SMAD2: variants seen among roughly 807,000 people sequenced by gnomAD.
The protein encoded by SMAD2 is MAD homolog 2.
Under a neutral mutation model 64.4 loss-of-function variants are expected in SMAD2, and 8 were observed. That is an observed-to-expected ratio of 0.12 (90% CI 0.07 to 0.22). The LOEUF is 0.22. SMAD2 is among the 10% of genes least tolerant of loss of function. The pLI is 1.00. For synonymous variants in SMAD2, 203 were observed against 195.8 expected, an observed-to-expected ratio of 1.04 and a Z score of -0.31; for missense variants, 289 against 561.2, an observed-to-expected ratio of 0.51 and a Z score of 4.90.
At position 47,845,807 on chromosome 18, in the gene SMAD2, C is replaced by G. The variant is rs1914437427; in HGVS notation, c.998-7G>C. On this transcript the variant is annotated splice_region_variant and splice_polypyrimidine_tract_variant and intron_variant, in intron 8 of 10. Transcript: ENST00000262160. Reference sequence around the variant, plus strand: ...TATAAGCGCACTCCTCTTCCTGAAACAAAATACAAATGAGATTAGTTTTGT... The same window carrying G: ...TATAAGCGCACTCCTCTTCCTGAAAGAAAATACAAATGAGATTAGTTTTGT... 6.2e-7 allele frequency: 1 copy of G among 1,612,796 alleles called. No individual in the cohort carries two copies. Among genetic ancestry groups the G allele is most frequent in the Non-Finnish European group, 8.5e-7 (1 of 1,178,984 alleles).
chr18:47,841,263 A>G lies in SMAD2; in HGVS notation c.*564T>C, dbSNP rs985308452. ...TCCACTTTTCTTCCCCCAAGAGTTT[A>G]TTTTTGGTAAAAGGCAGAAAAATTA... On this transcript the variant is annotated 3_prime_UTR_variant, in exon 11 of 11. Coordinates refer to ENST00000262160, the MANE Select transcript of SMAD2 (RefSeq NM_005901.6). 2 of 233,484 alleles carry G rather than the reference A, an allele frequency of 8.6e-6. No homozygotes were observed. Among genetic ancestry groups the G allele is most frequent in the Non-Finnish European group, 1.7e-5 (2 of 118,382 alleles). The allele number at this position is 233,484 out of a possible 1,614,324, so 14.5% of individuals were successfully genotyped here. A position where few individuals can be genotyped will look rare whatever the true frequency, so the allele number is the denominator to read the frequency against.
intron 1 of SMAD2, among the ~76,000 whole-genome samples, chr18:47,921,197 C>A (rs942271635): frequency 6.6e-6 from 1 of 152,116 alleles, no homozygotes; most frequent in Non-Finnish European, 1.5e-5. Flanking sequence ...GAATATTATA[C>A]AACCCACTAC....
chr18:47,907,388 T>C (rs922087480), intron 1 of SMAD2, among the ~76,000 whole-genome samples: 2 of 152,152 alleles, frequency 1.3e-5, no homozygotes, highest in African/African-American at 4.8e-5. Context: ...CTCAAAAACA[T>C]GCTGGGCAAA....
At chr18:47,875,386 G>T (rs2032206901) in intron 2 of SMAD2, among the ~76,000 whole-genome samples, 1 of 152,022 alleles carries the variant, frequency 6.6e-6, no homozygotes, top group Non-Finnish European at 1.5e-5. Context: ...GACCCAACTG[G>T]TATTTTCATA....
chr18:47,818,999 A>G lies in SMAD2; in HGVS notation c.*22828T>C, dbSNP rs953159912. The G allele has an allele frequency of 3.9e-5, 6 of 152,260 alleles. No homozygotes were observed. Among genetic ancestry groups the G allele is most frequent in the Non-Finnish European group, 8.8e-5 (6 of 68,044 alleles). The allele number at this position is 152,260 out of a possible 1,614,324, so 9.4% of individuals were successfully genotyped here. On this transcript the variant is annotated 3_prime_UTR_variant, in exon 11 of 11. Transcript: ENST00000262160. ...TGTGTATGTTTAGGTGTGTTTACAC[A>G]TATGTATATATATGTTGTATGTTGT...
At position 47,817,670 on chromosome 18, in the gene SMAD2, T is replaced by G. The variant is rs1912417278; in HGVS notation, c.*24157A>C. 1 of 152,232 alleles carries G rather than the reference T, an allele frequency of 6.6e-6. No individual in the cohort carries two copies. The highest frequency in any genetic ancestry group is 6.5e-5 in the Admixed American group (1 of 15,284). 9.4% of individuals were successfully genotyped at this position (152,232 alleles called of 1,614,324 possible). A position where few individuals can be genotyped will look rare whatever the true frequency, so the allele number is the denominator to read the frequency against. ...TTGGGTTCTTCTGTGTTTATATTAT[T>G]TTTTAATCTGCATGACTGGGTTAAC... On this transcript the variant is annotated 3_prime_UTR_variant, in exon 11 of 11. Coordinates refer to ENST00000262160, the MANE Select transcript of SMAD2 (RefSeq NM_005901.6).
At position 47,845,497 on chromosome 18, in the gene SMAD2, A is replaced by T. The variant is rs759454890; in HGVS notation, c.1136-13T>A. The T allele has an allele frequency of 8.7e-6, 14 of 1,611,926 alleles. No individual in the cohort carries two copies. The Admixed American group carries it at 2.3e-4, about 27-fold the overall frequency. ...TTCAGATTACAGCCTATGATTAAAAAAGGTAAAAGAAATTGTCAAAAGAGT... is the reference window on the plus strand; with the variant it reads ...TTCAGATTACAGCCTATGATTAAAATAGGTAAAAGAAATTGTCAAAAGAGT... On this transcript the variant is annotated splice_polypyrimidine_tract_variant and intron_variant, in intron 9 of 10. Transcript: ENST00000262160.
intron 1 of SMAD2, among the ~76,000 whole-genome samples, chr18:47,901,816 T>A (rs1371162634): frequency 6.6e-6 from 1 of 152,174 alleles, no homozygotes; most frequent in African/African-American, 2.4e-5. Flanking sequence ...CTAGATACTA[T>A]AAGAATTGCT....
chr18:47,826,304 G>A lies in SMAD2; in HGVS notation c.*15523C>T, dbSNP rs774579114. The A allele has an allele frequency of 1.3e-5, 2 of 152,218 alleles. No homozygotes were observed. The highest frequency in any genetic ancestry group is 2.1e-4 in the South Asian group (1 of 4,834). The allele number at this position is 152,218 out of a possible 1,614,324, so 9.4% of individuals were successfully genotyped here. A position where few individuals can be genotyped will look rare whatever the true frequency, so the allele number is the denominator to read the frequency against. ...CAGTAACCTGTTAAATACAAAGCAAGGGTGTGGTAGATTGACTGCATTTAA... is the reference window on the plus strand; with the variant it reads ...CAGTAACCTGTTAAATACAAAGCAAAGGTGTGGTAGATTGACTGCATTTAA... On this transcript the variant is annotated 3_prime_UTR_variant, in exon 11 of 11. Transcript: ENST00000262160.
intron 1 of SMAD2, among the ~76,000 whole-genome samples, chr18:47,927,153 A>G (rs895187250): frequency 2.6e-5 from 4 of 152,192 alleles, no homozygotes; most frequent in African/African-American, 4.8e-5. Flanking sequence ...TTAAAGGGCA[A>G]TAAGTGATCA....
chr18:47,913,988 C>T (rs767041151), intron 1 of SMAD2, among the ~76,000 whole-genome samples: 31 of 152,158 alleles, frequency 2.0e-4, no homozygotes, highest in Non-Finnish European at 3.5e-4. Context: ...TAGGATTCTA[C>T]GATTACTCAC....
chr18:47,925,503 G>A (rs1041773967), intron 1 of SMAD2, among the ~76,000 whole-genome samples: 4 of 152,134 alleles, frequency 2.6e-5, no homozygotes, highest in Non-Finnish European at 4.4e-5. Context: ...AATCCACCTG[G>A]CTTGGAAAAA....
At chr18:47,924,086 T>C (rs2034665696) in intron 1 of SMAD2, among the ~76,000 whole-genome samples, 1 of 151,834 alleles carries the variant, frequency 6.6e-6, no homozygotes, top group Admixed American at 6.6e-5. Context: ...CCGTTTCTAT[T>C]AAAAATACAA....
intron 2 of SMAD2, chr18:47,895,545 G>A (rs2033400819): frequency 6.6e-6 from 1 of 152,176 alleles, no homozygotes; most frequent in Non-Finnish European, 1.5e-5. Flanking sequence ...TCTAGAAACA[G>A]TGCCTTCTAC....
At position 47,865,144 on chromosome 18, in the gene SMAD2, T is replaced by C; in HGVS notation, c.656-11A>G. ...CAGGAGGTGGCGTTTCTACAAAAGT[T>C]TAAAACAAATCAAGCACAGCTGCAA... On this transcript the variant is annotated splice_polypyrimidine_tract_variant and intron_variant, in intron 5 of 10. Transcript: ENST00000262160. 1 of 1,542,986 alleles carries C rather than the reference T, an allele frequency of 6.5e-7. No homozygotes were observed. Among genetic ancestry groups the C allele is most frequent in the Non-Finnish European group, 9.0e-7 (1 of 1,115,768 alleles).
chr18:47,918,199 A>G (rs1001655326), intron 1 of SMAD2, among the ~76,000 whole-genome samples: 6 of 152,212 alleles, frequency 3.9e-5, no homozygotes, highest in African/African-American at 1.4e-4. Context: ...TACTTTCTGC[A>G]AAGGGGAAAA....
At chr18:47,864,722 G>GT (rs1392120937) in intron 6 of SMAD2, among the ~76,000 whole-genome samples, 2 of 151,976 alleles carry the variant, frequency 1.3e-5, no homozygotes, top group Non-Finnish European at 2.9e-5. Flanking sequence ...AGTAATTATG[G>GT]TTTTTTATCA....
chr18:47,869,929 T>C (rs1390947055), intron 3 of SMAD2, among the ~76,000 whole-genome samples: 1 of 152,156 alleles, frequency 6.6e-6, no homozygotes, highest in Non-Finnish European at 1.5e-5. Context: ...TTTTGAGAAC[T>C]GAGGTATATT....
Position 47,842,956 on chromosome 18 carries a change from A to C in SMAD2, c.1281-1006T>G, listed in dbSNP as rs568694679. Among the ~76,000 whole-genome samples the C allele has an allele frequency of 2.6e-4, 39 of 152,346 alleles. 1 individual carries two copies. Among genetic ancestry groups the C allele is most frequent in the Admixed American group, 2.2e-3 (33 of 15,306 alleles). ...AATCCACTTGCTTCTACAAACTAACAGCCCTTCAAATATGAGAAAAGCCCA... is the reference window on the plus strand; with the variant it reads ...AATCCACTTGCTTCTACAAACTAACCGCCCTTCAAATATGAGAAAAGCCCA... On this transcript the variant is annotated intron_variant, in intron 10 of 10. Transcript: ENST00000262160.
Sources: gnomAD v4.1 joint callset for allele counts (sites outside exome capture counted in the v4.1 genomes callset) on GRCh38, gnomAD v4.1.1 for gene constraint, MANE v1.5 for transcripts, NCBI Gene and HGNC (gene_info 2026-07-23, HGNC 2026-07-21) for gene names.